The following RHBDD1 variants were observed in gnomAD, a reference collection of about 807,000 sequenced individuals.
The protein encoded by RHBDD1 is rhomboid domain containing 1.
Under a neutral mutation model 36.3 loss-of-function variants are expected in RHBDD1, and 38 were observed. The observed-to-expected ratio is 1.05, with a 90% CI of 0.81 to 1.37. The LOEUF (loss-of-function observed/expected upper bound fraction) is 1.37. RHBDD1 is among the 40% of genes most tolerant of loss of function. The probability of loss-of-function intolerance (pLI) is 0.00; values close to 1 mark genes in which losing one functional copy is unlikely to be tolerated. For missense variants in RHBDD1, 393 were observed against 377.6 expected (o/e 1.04, Z -0.34); for synonymous variants, 151 against 136.5 (o/e 1.11, Z -0.74).
the RHBDD1 span, among the ~76,000 whole-genome samples, chr2:226,826,377 T>C: frequency 1.3e-5 from 2 of 152,236 alleles, no homozygotes; most frequent in Admixed American, 6.5e-5. Flanking sequence ...AAAATTGATA[T>C]GCAATTATAA....
chr2:226,944,924 G>C (rs1950875332), intron 8 of RHBDD1, among the ~76,000 whole-genome samples: 1 of 152,092 alleles, frequency 6.6e-6, no homozygotes, highest in African/African-American at 2.4e-5. Context: ...GGAGCGAGGG[G>C]AGCAAAGAAA....
At chr2:226,809,118 G>C in the RHBDD1 span, among the ~76,000 whole-genome samples, 3 of 152,218 alleles carry the variant, frequency 2.0e-5, no homozygotes, top group Non-Finnish European at 4.4e-5. Flanking sequence ...TAAAGCCCAT[G>C]ATACTGGATA....
chr2:226,835,115 T>C (rs939585406), upstream of RHBDD1, among the ~76,000 whole-genome samples: 5 of 152,122 alleles, frequency 3.3e-5, no homozygotes, highest in African/African-American at 4.8e-5. Context: ...CTCACTATGT[T>C]GTCCAGGCTG....
At chr2:226,809,315 T>C in the RHBDD1 span, among the ~76,000 whole-genome samples, 19 of 152,180 alleles carry the variant, frequency 1.2e-4, no homozygotes, top group Admixed American at 1.2e-3. Flanking sequence ...GGAATTAACA[T>C]AAGATCTAGC....
chr2:226,802,573 T>C, the RHBDD1 span, among the ~76,000 whole-genome samples: 1 of 152,242 alleles, frequency 6.6e-6, no homozygotes, highest in Admixed American at 6.5e-5. Flanking sequence ...TATTATTCTG[T>C]CACCTAAGCT....
intron 8 of RHBDD1, among the ~76,000 whole-genome samples, chr2:226,930,663 CT>C (rs1401709057): frequency 6.6e-6 from 1 of 151,982 alleles, no homozygotes; most frequent in Non-Finnish European, 1.5e-5. Flanking sequence ...AATTAAGTTT[CT>C]GCATGGCAAA....
intron 8 of RHBDD1, among the ~76,000 whole-genome samples, chr2:226,918,581 T>A (rs1949084986): frequency 6.6e-6 from 1 of 152,118 alleles, no homozygotes; most frequent in Non-Finnish European, 1.5e-5. Context: ...TTTCTGTGCC[T>A]GGCTTATTTT....
At chr2:226,830,034 C>A in the RHBDD1 span, among the ~76,000 whole-genome samples, 16 of 151,764 alleles carry the variant, frequency 1.1e-4, no homozygotes, top group Admixed American at 1.1e-3. Flanking sequence ...CCCTTCCATT[C>A]CTACTTCCCG....
At chr2:226,903,335 A>G (rs909896462) in intron 5 of RHBDD1, among the ~76,000 whole-genome samples, 2 of 152,230 alleles carry the variant, frequency 1.3e-5, no homozygotes, top group African/African-American at 4.8e-5. Flanking sequence ...TCTGCATAGC[A>G]TGGTGAAATC....
chr2:226,980,823 G>A (rs1955560416), intron 8 of RHBDD1, among the ~76,000 whole-genome samples: 3 of 151,994 alleles, frequency 2.0e-5, no homozygotes, highest in Non-Finnish European at 4.4e-5. Context: ...TTTAGTTCTG[G>A]AGTTTTCTTT....
intron 5 of RHBDD1, 142 bp from the exon 6 acceptor site, chr2:226,906,651 A>C: frequency 6.6e-7 from 1 of 1,512,502 alleles, no homozygotes; most frequent in Non-Finnish European, 8.8e-7. Context: ...GACTGAGTTA[A>C]ATGCTGCTTA....
At chr2:226,821,863 T>G in the RHBDD1 span, among the ~76,000 whole-genome samples, 2 of 152,350 alleles carry the variant, frequency 1.3e-5, no homozygotes, top group African/African-American at 4.8e-5. Context: ...CATCTTTGAT[T>G]TTTTTCTAAT....
At chr2:226,983,986 T>C (rs1291588149) in intron 8 of RHBDD1, among the ~76,000 whole-genome samples, 4 of 152,190 alleles carry the variant, frequency 2.6e-5, no homozygotes. Context: ...CTGTCCCTGC[T>C]CGTATAGGAG....
At chr2:226,835,502 G>C (rs1262075148), upstream of RHBDD1, 1 of 152,266 alleles carries the variant, frequency 6.6e-6, no homozygotes, top group African/African-American at 2.4e-5. Context: ...CCGCCCTCCG[G>C]TTGTCTGCGA....
At chr2:226,805,869 C>A in the RHBDD1 span, among the ~76,000 whole-genome samples, 1 of 152,160 alleles carries the variant, frequency 6.6e-6, no homozygotes, top group Non-Finnish European at 1.5e-5. Flanking sequence ...CACCATGTCC[C>A]TCTCATTCTT....
intron 8 of RHBDD1, among the ~76,000 whole-genome samples, chr2:226,943,636 TGG>T (rs765845871): frequency 1.6e-5 from 2 of 128,200 alleles, no homozygotes; most frequent in Non-Finnish European, 3.2e-5. Context: ...GCTGGGTCTC[TGG>T]GGGTTAGTAA....
At chr2:226,970,288 T>G (rs1001983927) in intron 8 of RHBDD1, among the ~76,000 whole-genome samples, 3 of 152,046 alleles carry the variant, frequency 2.0e-5, no homozygotes, top group Non-Finnish European at 2.9e-5. Context: ...AAAACTGAAT[T>G]GAGGAGCTGT....
At chr2:226,934,420 C>CT (rs1297165955) in intron 8 of RHBDD1, among the ~76,000 whole-genome samples, 1 of 152,106 alleles carries the variant, frequency 6.6e-6, no homozygotes, top group Non-Finnish European at 1.5e-5. Flanking sequence ...TGATGCATGA[C>CT]TGTCCTCTCA....
At position 226,931,758 on chromosome 2, in the gene RHBDD1, A is replaced by C. The variant is rs553999323; in HGVS notation, c.856+17407A>C. 7.2e-5 allele frequency among the ~76,000 whole-genome samples: 11 copies of C among 152,186 alleles called. No individual in the cohort carries two copies. The East Asian group carries it at 2.1e-3, about 29-fold the overall frequency. ...ATTTGATTTCTTTTGCTGTATAATC[A>C]ATCCTGGAATCAGATAGCATGGATC... On this transcript the variant is annotated intron_variant, in intron 8 of 8. Coordinates refer to ENST00000392062, the MANE Select transcript of RHBDD1 (RefSeq NM_001167608.3).
Sources: allele counts gnomAD v4.1 joint callset (sites outside exome capture counted in the v4.1 genomes callset), GRCh38; gene constraint gnomAD v4.1.1; transcripts MANE v1.5; gene names NCBI Gene and HGNC (gene_info 2026-07-23, HGNC 2026-07-21).